PTK2: variants seen among roughly 807,000 people sequenced by gnomAD.
The protein encoded by PTK2 is focal adhesion kinase 1.
PTK2 carries 45 observed loss-of-function variants against 150.1 expected under a neutral mutation model. The observed-to-expected ratio is 0.30, with a 90% CI of 0.24 to 0.38. The LOEUF is 0.38. Ranked by LOEUF, PTK2 falls within the 10% of genes least tolerant of loss-of-function variation. The pLI is 1.00. For synonymous variants in PTK2, 432 were observed against 449.2 expected (o/e 0.96, Z 0.48); for missense variants, 919 against 1,307.3 (o/e 0.70, Z 4.58).
At chr8:140,698,804 G>A (rs973696097) in intron 26 of PTK2, among the ~76,000 whole-genome samples, 4 of 152,016 alleles carry the variant, frequency 2.6e-5, no homozygotes, top group Admixed American at 2.6e-4. Context: ...TAGTACAGAT[G>A]GGGTTTTGCC....
intron 1 of PTK2, among the ~76,000 whole-genome samples, chr8:140,975,554 A>G (rs756672447): frequency 2.2e-4 from 34 of 152,148 alleles, no homozygotes; most frequent in Non-Finnish European, 4.4e-4. Context: ...CAGTTTTTAC[A>G]TGGTTCCTGG....
At chr8:140,698,413 T>A (rs903236824) in intron 26 of PTK2, among the ~76,000 whole-genome samples, 2 of 152,198 alleles carry the variant, frequency 1.3e-5, no homozygotes, top group Non-Finnish European at 2.9e-5. Flanking sequence ...AGATATAATA[T>A]CCAAATTAAT....
intron 1 of PTK2, among the ~76,000 whole-genome samples, chr8:140,987,026 C>G (rs1161166754): frequency 2.6e-5 from 4 of 152,024 alleles, no homozygotes; most frequent in Non-Finnish European, 5.9e-5. Context: ...GGGACATCAT[C>G]AAAACGTATA....
intron 5 of PTK2, among the ~76,000 whole-genome samples, chr8:140,861,808 T>C (rs1233602701): frequency 6.6e-6 from 1 of 152,236 alleles, no homozygotes; most frequent in Non-Finnish European, 1.5e-5. Context: ...CACTGCATAT[T>C]CCTTTAAGCG....
intron 29 of PTK2, among the ~76,000 whole-genome samples, chr8:140,671,721 G>A (rs2095470088): frequency 6.8e-6 from 1 of 147,414 alleles, no homozygotes; most frequent in Admixed American, 6.8e-5. Flanking sequence ...AGACCATCCT[G>A]GCTAACACGG....
chr8:140,762,859 C>A (rs543366755), intron 15 of PTK2, among the ~76,000 whole-genome samples: 3 of 152,236 alleles, frequency 2.0e-5, no homozygotes, highest in Admixed American at 6.5e-5. Flanking sequence ...GGGCTCACTG[C>A]AGCCTCGACC....
chr8:140,988,046 A>C (rs75926510), intron 1 of PTK2, among the ~76,000 whole-genome samples: 6 of 52,580 alleles, frequency 1.1e-4, no homozygotes, highest in African/African-American at 2.3e-4. Context: ...CCCTGTCTCA[A>C]AAAAAAAAAA....
At chr8:140,734,057 T>C (rs974061050) in intron 22 of PTK2, among the ~76,000 whole-genome samples, 2 of 152,216 alleles carry the variant, frequency 1.3e-5, no homozygotes, top group African/African-American at 4.8e-5. Flanking sequence ...CTATAGGTCT[T>C]AATTCTTCTT....
intron 16 of PTK2, among the ~76,000 whole-genome samples, chr8:140,754,275 A>T (rs2100064415): frequency 6.6e-6 from 1 of 152,192 alleles, no homozygotes; most frequent in Non-Finnish European, 1.5e-5. Flanking sequence ...AGCACAGAAT[A>T]CCCTATCTAC....
At chr8:140,744,789 G>GA (rs372806706) in intron 18 of PTK2, 22 bp from the exon 22 acceptor site, 68,791 of 652,994 alleles carry the variant, frequency 0.11, 6 homozygotes, top group Non-Finnish European at 0.12. Context: ...ATGACCAAAA[G>GA]AAAAAAAAAA....
At chr8:140,970,919 G>A (rs1427369319) in intron 1 of PTK2, among the ~76,000 whole-genome samples, 1 of 151,552 alleles carries the variant, frequency 6.6e-6, no homozygotes, top group African/African-American at 2.4e-5. Context: ...CAAAAAACTT[G>A]CTTAAGACTA....
intron 12 of PTK2, among the ~76,000 whole-genome samples, chr8:140,799,625 AG>A (rs1206579966): frequency 1.3e-5 from 2 of 152,214 alleles, no homozygotes; most frequent in African/African-American, 4.8e-5. Flanking sequence ...TAGCAACAAC[AG>A]GAACAACAAT....
chr8:140,767,363 T>C (rs1005396409), intron 14 of PTK2, among the ~76,000 whole-genome samples: 4 of 152,114 alleles, frequency 2.6e-5, no homozygotes, highest in Non-Finnish European at 5.9e-5. Context: ...TGTACTATGA[T>C]GCAATGTGAA....
At chr8:140,833,025 T>G in intron 7 of PTK2, 1 of 519,036 alleles carries the variant, frequency 1.9e-6, no homozygotes, top group Non-Finnish European at 3.8e-6. Context: ...CTAAAGAACT[T>G]ACCATATTCA....
intron 14 of PTK2, 39 bp downstream of exon 14, chr8:140,789,435 G>T: frequency 1.2e-6 from 2 of 1,602,372 alleles, no homozygotes; most frequent in Non-Finnish European, 1.7e-6. Flanking sequence ...CTTACCCCAT[G>T]AGAGTGCTTT....
intron 2 of PTK2, among the ~76,000 whole-genome samples, chr8:140,918,325 A>C (rs2100166109): frequency 6.6e-6 from 1 of 152,242 alleles, no homozygotes; most frequent in Non-Finnish European, 1.5e-5. Flanking sequence ...GACACTCTTT[A>C]GTCCTTCCTA....
chr8:140,884,599 G>A (rs1027463754), intron 3 of PTK2, among the ~76,000 whole-genome samples: 1 of 152,116 alleles, frequency 6.6e-6, no homozygotes, highest in African/African-American at 2.4e-5. Context: ...ACTGAAGACC[G>A]TTGGACTGCT....
intron 27 of PTK2, among the ~76,000 whole-genome samples, chr8:140,676,767 A>AC (rs2100014057): frequency 8.3e-6 from 1 of 120,498 alleles, no homozygotes; most frequent in Non-Finnish European, 1.8e-5. Context: ...CTCTACTTTA[A>AC]AAAAAAAAAA....
At chr8:140,737,832 C>T (rs2100053477) in intron 21 of PTK2, among the ~76,000 whole-genome samples, 1 of 152,220 alleles carries the variant, frequency 6.6e-6, no homozygotes, top group Admixed American at 6.5e-5. Context: ...GGATAAGTTA[C>T]TTGCTCTGTG....
Sources: allele counts gnomAD v4.1 joint callset (sites outside exome capture counted in the v4.1 genomes callset), GRCh38; gene constraint gnomAD v4.1.1; transcripts MANE v1.5; gene names NCBI Gene and HGNC (gene_info 2026-07-23, HGNC 2026-07-21).